Variants in ZDHHC17 observed in about 807,000 individuals in gnomAD.
ZDHHC17 encodes zDHHC palmitoyltransferase 17.
Under a neutral mutation model 90.3 loss-of-function variants are expected in ZDHHC17, and 40 were observed. The ratio of observed to expected loss-of-function variants is 0.44; its 90% confidence interval spans 0.34 to 0.58. The LOEUF is 0.58. ZDHHC17 is among the 20% of genes least tolerant of loss of function. The probability of loss-of-function intolerance (pLI) is 0.01; values close to 1 mark genes in which losing one functional copy is unlikely to be tolerated. For missense variants in ZDHHC17, 614 were observed against 780.8 expected, an observed-to-expected ratio of 0.79 and a Z score of 2.55; for synonymous variants, 235 against 252.4, an observed-to-expected ratio of 0.93 and a Z score of 0.65.
chr12:76,780,864 G>A (rs1430248978), intron 1 of ZDHHC17, among the ~76,000 whole-genome samples: 1 of 152,132 alleles, frequency 6.6e-6, no homozygotes, highest in African/African-American at 2.4e-5. Flanking sequence ...GCTTCTGCCT[G>A]TAATCCCAGC....
At chr12:76,765,650 C>T (rs1236640284) in intron 1 of ZDHHC17, among the ~76,000 whole-genome samples, 2 of 152,334 alleles carry the variant, frequency 1.3e-5, no homozygotes, top group East Asian at 3.9e-4. Context: ...GATTTCTATT[C>T]ATCTGTTCCT....
chr12:76,804,677 A>T (rs1280359333), intron 2 of ZDHHC17, among the ~76,000 whole-genome samples: 1 of 152,200 alleles, frequency 6.6e-6, no homozygotes, highest in Non-Finnish European at 1.5e-5. Flanking sequence ...AATAAAACTT[A>T]GGCGGCGTCT....
intron 7 of ZDHHC17, among the ~76,000 whole-genome samples, chr12:76,817,303 G>A (rs1339700058): frequency 6.6e-6 from 1 of 151,996 alleles, no homozygotes; most frequent in Non-Finnish European, 1.5e-5. Context: ...AATTATGTGA[G>A]ATTACCTCAT....
chr12:76,805,555 A>C, intron 3 of ZDHHC17, 116 bp downstream of exon 3: 1 of 957,958 alleles, frequency 1.0e-6, no homozygotes, highest in Non-Finnish European at 1.5e-6. Flanking sequence ...TTTAGAAGAT[A>C]GATTCTGTGT....
chr12:76,820,762 A>G (rs1315473023), intron 7 of ZDHHC17, among the ~76,000 whole-genome samples: 2 of 152,194 alleles, frequency 1.3e-5, no homozygotes, highest in African/African-American at 2.4e-5. Context: ...ACCCCCAACC[A>G]TAATGTTTAT....
intron 3 of ZDHHC17, among the ~76,000 whole-genome samples, chr12:76,808,715 T>C (rs1410161934): frequency 6.6e-6 from 1 of 152,174 alleles, no homozygotes; most frequent in Admixed American, 6.5e-5. Context: ...TCTGCAACTA[T>C]TCTAATTTCA....
chr12:76,773,296 A>T (rs1302856771), intron 1 of ZDHHC17, among the ~76,000 whole-genome samples: 1 of 151,690 alleles, frequency 6.6e-6, no homozygotes, highest in African/African-American at 2.4e-5. Flanking sequence ...CTGTCTCTTT[A>T]GTTTTGTTTT....
chr12:76,774,264 G>GTGTGTGTGTGTATGTGTATGTGTA (rs1555179824), intron 1 of ZDHHC17, among the ~76,000 whole-genome samples: 2 of 149,668 alleles, frequency 1.3e-5, no homozygotes, highest in African/African-American at 4.9e-5. Context: ...TAAAGAATGT[G>GTGTGTGTGTGTATGTGTATGTGTA]TGTGTATGTG....
chr12:76,768,537 C>T (rs994903736), intron 1 of ZDHHC17, among the ~76,000 whole-genome samples: 1 of 152,190 alleles, frequency 6.6e-6, no homozygotes, highest in Non-Finnish European at 1.5e-5. Flanking sequence ...GTTGTAGGCA[C>T]GTGAAACACT....
intron 16 of ZDHHC17, 41 bp from the exon 17 acceptor site, chr12:76,850,806 G>T (rs375481690): frequency 1.9e-6 from 3 of 1,601,564 alleles, no homozygotes; most frequent in Non-Finnish European, 1.7e-6. Flanking sequence ...TAAATCATTT[G>T]TACTGACTGA....
intron 10 of ZDHHC17, among the ~76,000 whole-genome samples, chr12:76,830,909 G>T (rs7304988): frequency 0.6 from 91,066 of 151,846 alleles, 27,353 homozygotes; most frequent in East Asian, 0.67. Context: ...AATAGCTAAA[G>T]CTAGGGAAAT....
Position 76,815,878 on chromosome 12 carries a change from T to C in ZDHHC17, c.630T>C (p.Leu210=). Residue 210 remains leucine, a synonymous_variant, in exon 7 of 17, where the codon CTT becomes CTC. Transcript: ENST00000426126. ...RTHSVDPTRL[L]LTFNVSVNLG... Reference sequence around the variant, plus strand: ...TCAGTGTGGATCCAACTAGATTGCTTTTAACATTCAATGTTTCAGTTAACC... The same window carrying C: ...TCAGTGTGGATCCAACTAGATTGCTCTTAACATTCAATGTTTCAGTTAACC... 6.4e-7 allele frequency: 1 copy of C among 1,550,608 alleles called. No homozygotes were observed. The highest frequency in any genetic ancestry group is 8.7e-7 in the Non-Finnish European group (1 of 1,148,268).
At chr12:76,809,655 A>C in intron 4 of ZDHHC17, 58 bp from the exon 5 acceptor site, 2 of 1,293,418 alleles carry the variant, frequency 1.5e-6, no homozygotes, top group Non-Finnish European at 2.0e-6. Context: ...AGCTCTTCCC[A>C]GAGGATCCTG....
rs1035048447 is a variant in ZDHHC17 at position 76,849,118 on chromosome 12, TAAAAAAAAAAAAAAA to T, written c.1666-249_1666-235del. 9.7e-4 allele frequency among the ~76,000 whole-genome samples: 47 copies of T among 48,466 alleles called. No homozygotes were observed. The East Asian group carries it at 0.02, about 21-fold the overall frequency. 31.8% of individuals were successfully genotyped at this position (48,466 alleles called of 152,430 possible). On this transcript the variant is annotated intron_variant, in intron 15 of 16. Coordinates refer to ENST00000426126, the MANE Select transcript of ZDHHC17 (RefSeq NM_015336.4). ...GGGCAACATGGTTAAACCCTATCTC[TAAAAAAAAAAAAAAA>T]AAAAAAAACCCAACAAAAAAAAGAA...
intron 2 of ZDHHC17, among the ~76,000 whole-genome samples, chr12:76,798,338 A>G (rs1286117504): frequency 2.0e-5 from 3 of 152,220 alleles, no homozygotes; most frequent in Non-Finnish European, 4.4e-5. Context: ...AATGCAAAGT[A>G]TATGGAAGTT....
At chr12:76,784,590 A>G (rs1952664665) in intron 1 of ZDHHC17, among the ~76,000 whole-genome samples, 1 of 152,240 alleles carries the variant, frequency 6.6e-6, no homozygotes, top group Non-Finnish European at 1.5e-5. Context: ...GATTAACAGC[A>G]GAAACAGTAA....
At chr12:76,838,323 C>G (rs11115664) in intron 10 of ZDHHC17, among the ~76,000 whole-genome samples, 1,686 of 152,270 alleles carry the variant, frequency 0.011, 11 homozygotes, top group Non-Finnish European at 0.017. Flanking sequence ...TTTAAGTACA[C>G]TAGCATAGTT....
At chr12:76,786,132 T>C (rs1230439474) in intron 1 of ZDHHC17, among the ~76,000 whole-genome samples, 1 of 151,826 alleles carries the variant, frequency 6.6e-6, no homozygotes, top group Non-Finnish European at 1.5e-5. Flanking sequence ...CTTTTTTTTT[T>C]TTTAAAGAGA....
At chr12:76,765,122 T>G (rs1952417065) in intron 1 of ZDHHC17, among the ~76,000 whole-genome samples, 1 of 152,242 alleles carries the variant, frequency 6.6e-6, no homozygotes, top group African/African-American at 2.4e-5. Context: ...TGATGCATTC[T>G]GATTTTTAGT....
Sources: gnomAD v4.1 joint callset for allele counts (sites outside exome capture counted in the v4.1 genomes callset) on GRCh38, gnomAD v4.1.1 for gene constraint, MANE v1.5 for transcripts, NCBI Gene and HGNC (gene_info 2026-07-23, HGNC 2026-07-21) for gene names.